Variants in NAA16 observed in about 807,000 individuals in gnomAD.
The protein encoded by NAA16 is N-alpha-acetyltransferase 16, NatA auxiliary subunit.
In NAA16, 97 loss-of-function variants were observed where a neutral mutation model predicts 110.3. That is an observed-to-expected ratio of 0.88 (90% CI 0.75 to 1.04). The LOEUF (loss-of-function observed/expected upper bound fraction) is 1.04. Ranked by LOEUF, NAA16 falls within the 50% of genes least tolerant of loss-of-function variation. The pLI is 0.00. For synonymous variants in NAA16, 372 were observed against 330.6 expected, an observed-to-expected ratio of 1.13 and a Z score of -1.36; for missense variants, 1,017 against 1,005.1, an observed-to-expected ratio of 1.01 and a Z score of -0.16.
At chr13:41,328,901 TA>T in intron 7 of NAA16, 58 bp downstream of exon 7, 1 of 1,401,904 alleles carries the variant, frequency 7.1e-7, no homozygotes, top group African/African-American at 1.4e-5. Context: ...TAATAAAATG[TA>T]AAGTTGTAAT....
At chr13:41,372,145 G>T in intron 15 of NAA16, 58 bp from the exon 16 acceptor site, 1 of 1,323,780 alleles carries the variant, frequency 7.6e-7, no homozygotes, top group South Asian at 1.6e-5. Context: ...AAAATTTTAG[G>T]GGAAATTTGA....
chr13:41,328,837 CA>C lies in NAA16; in HGVS notation c.808del (p.Ile270LeufsTer4). On this transcript the variant is annotated frameshift_variant, in exon 7 of 20. Transcript: ENST00000379406. LOFTEE classifies it high-confidence loss of function. ...TTATGAAGGCTTGGAAAAAGCTCTA[CA>C]AATTAGTATGTAATGATTTTTCTCC... ...CYYEGLEKAL[Q>X]ISTLEERLQI... 17 of 1,597,986 alleles carry C rather than the reference CA, an allele frequency of 1.1e-5. No individual in the cohort carries two copies. The highest frequency in any genetic ancestry group is 1.5e-5 in the Non-Finnish European group (17 of 1,167,110).
At position 41,331,381 on chromosome 13, in the gene NAA16, A is replaced by G. The variant is rs1352817560; in HGVS notation, c.907+12A>G. 6.7e-7 allele frequency: 1 copy of G among 1,488,684 alleles called. No individual in the cohort carries two copies. Among genetic ancestry groups the G allele is most frequent in the South Asian group, 1.2e-5 (1 of 84,404 alleles). The allele number at this position is 1,488,684 out of a possible 1,614,324, so 92.2% of individuals were successfully genotyped here. A position where few individuals can be genotyped will look rare whatever the true frequency, so the allele number is the denominator to read the frequency against. On this transcript the variant is annotated intron_variant, in intron 8 of 19. Coordinates refer to ENST00000379406, the MANE Select transcript of NAA16 (RefSeq NM_024561.5). ...GACTCTTGTCCCAGGTAATATTAAG[A>G]TGTCTTTTATAATATTAATTATTTG...
chr13:41,311,541 C>CTGA lies in NAA16; in HGVS notation c.15_16insATG (p.Leu5_Leu6insMet). Reference sequence around the variant, plus strand: ...CCTGCCGGCCACGATGCCGAACGTGCTGCTGCCGCCCAAGGAGAGCAACCT... The same window carrying CTGA: ...CCTGCCGGCCACGATGCCGAACGTGCTGATGCTGCCGCCCAAGGAGAGCAACCT... On this transcript the variant is annotated inframe_insertion, in exon 1 of 20. Coordinates refer to ENST00000379406, the MANE Select transcript of NAA16 (RefSeq NM_024561.5). The CTGA allele has an allele frequency of 6.2e-7, 1 of 1,606,862 alleles. No homozygotes were observed. The highest frequency in any genetic ancestry group is 8.5e-7 in the Non-Finnish European group (1 of 1,177,150).
chr13:41,335,771 T>G (rs1226107483), intron 8 of NAA16, among the ~76,000 whole-genome samples: 4 of 152,130 alleles, frequency 2.6e-5, no homozygotes, highest in Admixed American at 2.0e-4. Context: ...TGTTAGATTT[T>G]GTTGTGCAGT....
intron 9 of NAA16, among the ~76,000 whole-genome samples, chr13:41,345,530 T>C (rs141341780): frequency 4.3e-4 from 65 of 152,302 alleles, no homozygotes; most frequent in African/African-American, 1.5e-3. Context: ...TATTTCTCTT[T>C]TTATTGTTCA....
intron 5 of NAA16, among the ~76,000 whole-genome samples, chr13:41,323,706 A>G (rs2042010035): frequency 6.6e-6 from 1 of 151,096 alleles, no homozygotes; most frequent in Admixed American, 6.6e-5. Context: ...GCTGGTCTCG[A>G]ACTCCTGGGC....
intron 16 of NAA16, 30 bp from the exon 17 acceptor site, chr13:41,372,702 G>T: frequency 6.4e-7 from 1 of 1,571,518 alleles, no homozygotes. Flanking sequence ...AAGTATTAAT[G>T]CTATTACTTT....
rs749388159 is a variant in NAA16 at position 41,372,275 on chromosome 13, A to T, written c.2020A>T (p.Thr674Ser). The T allele has an allele frequency of 6.2e-7, 1 of 1,600,118 alleles. No homozygotes were observed. The highest frequency in any genetic ancestry group is 1.1e-5 in the South Asian group (1 of 88,244). The change falls in exon 16 of 20, where the codon ACT becomes TCT. Residue 674 changes from threonine to serine, a missense_variant. Transcript: ENST00000379406. ...GAACCTTGTTGCTGATAACATTGAC[A>T]CTCATCTGTTAGCATTTGAAATATA... ...LKNLVADNID[T>S]HLLAFEIYFR... is the part of the protein sequence containing the mutation.
intron 9 of NAA16, among the ~76,000 whole-genome samples, chr13:41,343,796 C>T (rs1034957790): frequency 1.3e-5 from 2 of 152,128 alleles, no homozygotes; most frequent in Non-Finnish European, 2.9e-5. Context: ...CCGCCTTGGC[C>T]TCCCAAAGTG....
intron 1 of NAA16, 33 bp from the exon 2 acceptor site, chr13:41,316,813 G>T: frequency 6.9e-7 from 1 of 1,440,136 alleles, no homozygotes; most frequent in South Asian, 1.1e-5. Context: ...GTATTCATTT[G>T]ATAAAATAAC....
rs112131168 is a variant in NAA16 at position 41,339,108 on chromosome 13, G to A, written c.1014+2352G>A. On this transcript the variant is annotated intron_variant, in intron 9 of 19. Coordinates refer to ENST00000379406, the MANE Select transcript of NAA16 (RefSeq NM_024561.5). ...AGAATGTAGTACAGTTGCAAGAAAT[G>A]TATTTCTTGTTTTTGTTGTTGTTGT... Among the ~76,000 whole-genome samples, 254 of 74,858 alleles carry A rather than the reference G, an allele frequency of 3.4e-3. 2 individuals carry two copies. Among genetic ancestry groups the A allele is most frequent in the African/African-American group, 0.012 (202 of 17,174 alleles). 49.1% of individuals were successfully genotyped at this position (74,858 alleles called of 152,430 possible).
At position 41,336,675 on chromosome 13, in the gene NAA16, T is replaced by C. The variant is rs1371214749; in HGVS notation, c.933T>C (p.Asp311=). Reference sequence around the variant, plus strand: ...GTGAAAGATTTAGAGAACTAATGGATAAGTTCCTGAGGGTTAACTTCAGTA... The same window carrying C: ...GTGAAAGATTTAGAGAACTAATGGACAAGTTCCTGAGGGTTAACTTCAGTA... ...VPGERFRELM[D]KFLRVNFSKG... Residue 311 remains aspartate, a synonymous_variant, in exon 9 of 20, where the codon GAT becomes GAC. Coordinates refer to ENST00000379406, the MANE Select transcript of NAA16 (RefSeq NM_024561.5). The C allele has an allele frequency of 6.2e-7, 1 of 1,604,282 alleles. No homozygotes were observed. Among genetic ancestry groups the C allele is most frequent in the Admixed American group, 1.7e-5 (1 of 58,852 alleles).
intron 17 of NAA16, chr13:41,373,286 C>A: frequency 2.9e-6 from 2 of 684,126 alleles, no homozygotes; most frequent in Non-Finnish European, 3.6e-6. Flanking sequence ...TTGAGACAGT[C>A]TTGCTCTGTT....
In NAA16 at chr13:41,377,025, A is replaced by G. The variant is rs1291903871; in HGVS notation, c.*1423A>G. The G allele has an allele frequency of 6.6e-6, 1 of 152,184 alleles. No homozygotes were observed. The highest frequency in any genetic ancestry group is 6.5e-5 in the Admixed American group (1 of 15,280). 9.4% of individuals were successfully genotyped at this position (152,184 alleles called of 1,614,324 possible). On this transcript the variant is annotated 3_prime_UTR_variant, in exon 20 of 20. Coordinates refer to ENST00000379406, the MANE Select transcript of NAA16 (RefSeq NM_024561.5). ...AATGCTATAATAAATTATTTTGTACACAGTTGCTTATTTATGTTTGTGTTT... is the reference window on the plus strand; with the variant it reads ...AATGCTATAATAAATTATTTTGTACGCAGTTGCTTATTTATGTTTGTGTTT...
At position 41,350,597 on chromosome 13, in the gene NAA16, G is replaced by GT. The variant is rs377318965; in HGVS notation, c.1015-4538dup. ...AGGCTTGAGCCACCGCGCCCTGCCA[G>GT]TTTTTTTTTGTTTTTTTTTTTTGTT... On this transcript the variant is annotated intron_variant, in intron 9 of 19. Coordinates refer to ENST00000379406, the MANE Select transcript of NAA16 (RefSeq NM_024561.5). Among the ~76,000 whole-genome samples, 187 of 26,192 alleles carry GT rather than the reference G, an allele frequency of 7.1e-3. 2 individuals carry two copies. Among genetic ancestry groups the GT allele is most frequent in the South Asian group, 0.068 (34 of 500 alleles). The allele number at this position is 26,192 out of a possible 152,430, so 17.2% of individuals were successfully genotyped here. A position where few individuals can be genotyped will look rare whatever the true frequency, so the allele number is the denominator to read the frequency against.
At chr13:41,361,791 C>T (rs1430801154) in intron 12 of NAA16, among the ~76,000 whole-genome samples, 1 of 152,194 alleles carries the variant, frequency 6.6e-6, no homozygotes, top group African/African-American at 2.4e-5. Context: ...TTTATTTCTG[C>T]AATTTTCCCT....
Position 41,336,672 on chromosome 13 carries a change from G to A in NAA16, c.930G>A (p.Met310Ile). ...TAGGTGAAAGATTTAGAGAACTAAT[G>A]GATAAGTTCCTGAGGGTTAACTTCA... Reference protein sequence around the residue: ...LVPGERFRELMDKFLRVNFSK... With the variant: ...LVPGERFRELIDKFLRVNFSK... Residue 310 changes from methionine to isoleucine, a missense_variant, in exon 9 of 20, where the codon ATG (methionine) becomes ATA (isoleucine). Coordinates refer to ENST00000379406, the MANE Select transcript of NAA16 (RefSeq NM_024561.5). The A allele has an allele frequency of 6.2e-7, 1 of 1,600,380 alleles. No individual in the cohort carries two copies. The highest frequency in any genetic ancestry group is 8.5e-7 in the Non-Finnish European group (1 of 1,172,632).
At chr13:41,364,165 A>T (rs780685335) in intron 13 of NAA16, among the ~76,000 whole-genome samples, 2 of 152,126 alleles carry the variant, frequency 1.3e-5, no homozygotes, top group Non-Finnish European at 2.9e-5. Context: ...AAGGACACGG[A>T]CACCTCTCAG....
Sources: gnomAD v4.1 joint callset for allele counts (sites outside exome capture counted in the v4.1 genomes callset) on GRCh38, gnomAD v4.1.1 for gene constraint, MANE v1.5 for transcripts, NCBI Gene and HGNC (gene_info 2026-07-23, HGNC 2026-07-21) for gene names.